DYSF: variants seen among roughly 807,000 people sequenced by gnomAD.
DYSF encodes dystrophy-associated fer-1-like 1.
In DYSF, 212 loss-of-function variants were observed where a neutral mutation model predicts 274.9. The observed-to-expected ratio is 0.77, with a 90% CI of 0.69 to 0.86. The LOEUF is 0.86. Among genes scored for constraint, DYSF ranks in the 40% least tolerant of loss-of-function variants. The probability of loss-of-function intolerance (pLI) is 0.00; values close to 1 mark genes in which losing one functional copy is unlikely to be tolerated. For missense variants in DYSF, 2,666 were observed against 2,783.2 expected (o/e 0.96, Z 0.95); for synonymous variants, 1,091 against 1,078.7 (o/e 1.01, Z -0.22).
intron 4 of DYSF, among the ~76,000 whole-genome samples, chr2:71,504,746 G>A (rs922322064): frequency 2.6e-5 from 4 of 152,134 alleles, no homozygotes; most frequent in South Asian, 2.1e-4. Context: ...CCTGCCCTTC[G>A]GTCCCTTCCA....
chr2:71,650,342 G>A (rs995400938), intron 42 of DYSF, among the ~76,000 whole-genome samples: 16 of 152,094 alleles, frequency 1.1e-4, no homozygotes, highest in Non-Finnish European at 1.0e-4. Context: ...TTAGTCAGGC[G>A]TGGTGGCGTG....
At chr2:71,683,887 G>A (rs2095326014) in intron 55 of DYSF, among the ~76,000 whole-genome samples, 1 of 151,586 alleles carries the variant, frequency 6.6e-6, no homozygotes. Flanking sequence ...ATGCATCTCA[G>A]AGAGGAAGAG....
intron 1 of DYSF, among the ~76,000 whole-genome samples, chr2:71,460,301 C>T (rs2081234956): frequency 1.3e-5 from 2 of 152,178 alleles, no homozygotes; most frequent in Non-Finnish European, 1.5e-5. Context: ...GGAGGCGTGC[C>T]GCTTCCCTTT....
At chr2:71,601,644 C>T (rs184723038) in intron 35 of DYSF, 116 bp downstream of exon 35, 71 of 1,403,540 alleles carry the variant, frequency 5.1e-5, no homozygotes, top group Middle Eastern at 1.9e-4. Flanking sequence ...CTCAAGCCCC[C>T]GGGGAAGCTC....
intron 3 of DYSF, among the ~76,000 whole-genome samples, chr2:71,494,920 A>C (rs765351451): frequency 6.6e-6 from 1 of 152,214 alleles, no homozygotes; most frequent in Non-Finnish European, 1.5e-5. Flanking sequence ...ATCAAAAAGA[A>C]ATCTAACCCT....
chr2:71,674,215 G>A lies in DYSF; in HGVS notation c.5803G>A (p.Asp1935Asn). The A allele has an allele frequency of 6.2e-7, 1 of 1,614,220 alleles. No homozygotes were observed. Among genetic ancestry groups the A allele is most frequent in the Non-Finnish European group, 8.5e-7 (1 of 1,180,046 alleles). The change falls in exon 52 of 56, where the codon GAC becomes AAC. Residue 1935 changes from aspartate to asparagine, a missense_variant. Around this residue, in one of 3 missense-constraint regions of DYSF, gnomAD observed 1,460 missense variants for 1,502.1 expected, o/e 0.97. Coordinates refer to ENST00000410020, the MANE Select transcript of DYSF (RefSeq NM_001130987.2). ...IAKKDAFWRL[D>N]KTESKIPARV... ...GGGTCAGGATGCCTTCTGGAGGCTG[G>A]ACAAGACTGAGAGCAAAATCCCAGC...
intron 41 of DYSF, among the ~76,000 whole-genome samples, chr2:71,639,160 T>G (rs1283459908): frequency 1.3e-5 from 2 of 152,208 alleles, no homozygotes; most frequent in Non-Finnish European, 2.9e-5. Context: ...ACACTGCCCA[T>G]TTTTAAATTG....
rs116792589 is a variant in DYSF, at chr2:71,679,308, G to A, written c.6063+73G>A. ...TTCCATAGAAATTGTCAGAAAATAC[G>A]TCATCAGAAAATACATGCTTACTGT... On this transcript the variant is annotated intron_variant, in intron 53 of 55. Coordinates refer to ENST00000410020, the MANE Select transcript of DYSF (RefSeq NM_001130987.2). 2.0e-3 allele frequency: 2,867 copies of A among 1,462,028 alleles called. 42 individuals carry two copies. The African/African-American group carries it at 0.036, about 18-fold the overall frequency. The allele number at this position is 1,462,028 out of a possible 1,614,324, so 90.6% of individuals were successfully genotyped here. A position where few individuals can be genotyped will look rare whatever the true frequency, so the allele number is the denominator to read the frequency against.
In DYSF at chr2:71,551,723, G is replaced by C; in HGVS notation, c.1806+3G>C. 1 of 1,600,154 alleles carries C rather than the reference G, an allele frequency of 6.2e-7. No individual in the cohort carries two copies. The highest frequency in any genetic ancestry group is 1.1e-5 in the South Asian group (1 of 88,218). ...CGGATGACATCCTCCGGGTGGAGGT[G>C]AGGGGTGTGGCTCTGGGTGGGAGCT... On this transcript the variant is annotated splice_donor_region_variant and intron_variant, in intron 19 of 55. Coordinates refer to ENST00000410020, the MANE Select transcript of DYSF (RefSeq NM_001130987.2).
intron 36 of DYSF, among the ~76,000 whole-genome samples, chr2:71,608,100 G>A (rs776759402): frequency 1.0e-3 from 152 of 152,038 alleles, no homozygotes; most frequent in Admixed American, 5.9e-4. Flanking sequence ...GAGCCCACGA[G>A]TGTCCTTCGG....
chr2:71,625,130 G>A (rs935508190), intron 41 of DYSF, among the ~76,000 whole-genome samples: 2 of 147,758 alleles, frequency 1.4e-5, no homozygotes, highest in Non-Finnish European at 2.9e-5. Flanking sequence ...TATTATAATA[G>A]ATTAGTTTCT....
At chr2:71,666,742 G>A (rs1354289548) in intron 47 of DYSF, among the ~76,000 whole-genome samples, 3 of 152,252 alleles carry the variant, frequency 2.0e-5, no homozygotes, top group Non-Finnish European at 2.9e-5. Context: ...TTTCCTAAGT[G>A]AGCATGTGAT....
At chr2:71,665,352 C>T in intron 47 of DYSF, 48 bp downstream of exon 47, 2 of 1,612,478 alleles carry the variant, frequency 1.2e-6, no homozygotes, top group Non-Finnish European at 1.7e-6. Context: ...CGCTGTATCC[C>T]TCCCTCTCTC....
chr2:71,503,654 C>T (rs1559022842), intron 4 of DYSF, among the ~76,000 whole-genome samples: 1 of 152,190 alleles, frequency 6.6e-6, no homozygotes, highest in South Asian at 2.1e-4. Flanking sequence ...GTCTCCCTGG[C>T]AGACCTCCCC....
intron 40 of DYSF, among the ~76,000 whole-genome samples, chr2:71,619,358 G>T (rs147072852): frequency 6.6e-6 from 1 of 152,062 alleles, no homozygotes; most frequent in African/African-American, 2.4e-5. Flanking sequence ...GCCCTCCTGC[G>T]TATGCTTCTG....
At chr2:71,475,376 A>C (rs1330459040) in intron 1 of DYSF, among the ~76,000 whole-genome samples, 1 of 152,214 alleles carries the variant, frequency 6.6e-6, no homozygotes, top group South Asian at 2.1e-4. Context: ...TACAGTTAGT[A>C]ATGTGAGTAA....
intron 51 of DYSF, among the ~76,000 whole-genome samples, chr2:71,673,539 C>T (rs1291417103): frequency 6.6e-6 from 1 of 152,154 alleles, no homozygotes; most frequent in Admixed American, 6.5e-5. Flanking sequence ...GATTCCAGTG[C>T]CAGCTCCTTA....
intron 17 of DYSF, among the ~76,000 whole-genome samples, chr2:71,546,128 A>G (rs992493417): frequency 1.1e-4 from 17 of 152,356 alleles, no homozygotes; most frequent in African/African-American, 3.8e-4. Flanking sequence ...TTCTGGGGCC[A>G]GGGCCTCTCT....
rs147101870 is a variant in DYSF at position 71,551,138 on chromosome 2, A to G, written c.1674A>G (p.Thr558=). The stretch of plus-strand genomic sequence containing the variant: ...TCACAGGCTTCCCAGACCCCTACAC[A>G]GAGCTCAACACAGGCAAGGTAAGCC... ...REFTGFPDPY[T]ELNTGKGEGV... Residue 558 remains threonine (T), a synonymous_variant, in exon 18 of 56, where the codon ACA becomes ACG. Transcript: ENST00000410020. The G allele has an allele frequency of 1.2e-6, 2 of 1,614,008 alleles. No individual in the cohort carries two copies. Among genetic ancestry groups the G allele is most frequent in the African/African-American group, 1.3e-5 (1 of 74,930 alleles).
Sources: allele counts gnomAD v4.1 joint callset (sites outside exome capture counted in the v4.1 genomes callset), GRCh38; gene constraint gnomAD v4.1.1; regional missense constraint gnomAD v4.1.1; transcripts MANE v1.5; gene names NCBI Gene and HGNC (gene_info 2026-07-23, HGNC 2026-07-21).